The following COG5 variants were observed in gnomAD, a reference collection of about 807,000 sequenced individuals.
The protein encoded by COG5 is conserved oligomeric Golgi complex subunit 5.
A neutral mutation model predicts 110.4 loss-of-function variants in COG5; 86 were observed. That is an observed-to-expected ratio of 0.78 (90% CI 0.65 to 0.93). The LOEUF (loss-of-function observed/expected upper bound fraction) is 0.93. Among genes scored for constraint, COG5 ranks in the 40% least tolerant of loss-of-function variants. The pLI is 0.00. For synonymous variants in COG5, 360 were observed against 334.6 expected, an observed-to-expected ratio of 1.08 and a Z score of -0.83; for missense variants, 1,077 against 987.0, an observed-to-expected ratio of 1.09 and a Z score of -1.22.
chr7:107,294,912 TGTGTGTGTG>T (rs1806501518), intron 12 of COG5, among the ~76,000 whole-genome samples: 2 of 112,576 alleles, frequency 1.8e-5, no homozygotes, highest in Non-Finnish European at 3.8e-5. Context: ...TGTGTGTGTG[TGTGTGTGTG>T]TGTATATATA....
chr7:107,211,418 G>A (rs1166248329), intron 19 of COG5, among the ~76,000 whole-genome samples, 193 bp from the exon 20 acceptor site: 3 of 152,086 alleles, frequency 2.0e-5, no homozygotes, highest in African/African-American at 7.2e-5. Flanking sequence ...GTGCTCACAG[G>A]CTGATCTACC....
chr7:107,463,866 G>A (rs971686736), intron 6 of COG5, among the ~76,000 whole-genome samples: 3 of 152,094 alleles, frequency 2.0e-5, no homozygotes, highest in Non-Finnish European at 2.9e-5. Flanking sequence ...CTTGGGCCTA[G>A]GGGTCTCTAA....
At position 107,328,207 on chromosome 7, in the gene COG5, G is replaced by C. The variant is rs1256717605; in HGVS notation, c.1027-3686C>G. 2.6e-5 allele frequency among the ~76,000 whole-genome samples: 4 copies of C among 152,226 alleles called. No individual in the cohort carries two copies. In the East Asian group the frequency reaches 7.7e-4, roughly 29 times the overall value. ...AAGGGATAGCCTACTACACAAGCAG[G>C]CTTTATGTGATAGCCTATCACTCCT... On this transcript the variant is annotated intron_variant, in intron 10 of 21. Transcript: ENST00000297135.
chr7:107,346,886 T>C (rs1257765038), intron 10 of COG5, among the ~76,000 whole-genome samples: 1 of 152,070 alleles, frequency 6.6e-6, no homozygotes, highest in Non-Finnish European at 1.5e-5. Context: ...TGGTGTGTGA[T>C]GCTCCCCATC....
Position 107,516,428 on chromosome 7 carries a change from G to A in COG5, c.538+10809C>T, listed in dbSNP as rs553647860. ...GTCCACAGTTTGTCTTTTTATTCTC[G>A]TAACAGTATCATTTGAAGAGCTTCT... On this transcript the variant is annotated intron_variant, in intron 6 of 21. Transcript: ENST00000297135. 1.6e-4 allele frequency among the ~76,000 whole-genome samples: 24 copies of A among 152,246 alleles called. No individual in the cohort carries two copies. In the South Asian group the frequency reaches 3.5e-3, roughly 22 times the overall value.
intron 12 of COG5, among the ~76,000 whole-genome samples, chr7:107,295,101 A>ATTTTTTTT (rs1186745330): frequency 2.2e-5 from 1 of 45,536 alleles, no homozygotes; most frequent in Admixed American, 3.6e-4. Flanking sequence ...ATATATATAT[A>ATTTTTTTT]TTTTTTTTTT....
chr7:107,267,778 G>A (rs1337233730), intron 14 of COG5, among the ~76,000 whole-genome samples: 3 of 152,032 alleles, frequency 2.0e-5, no homozygotes, highest in East Asian at 1.9e-4. Context: ...GGTAAGGGCC[G>A]GGCATGGTGG....
chr7:107,522,530 G>A (rs556817228), intron 6 of COG5, among the ~76,000 whole-genome samples: 2 of 152,122 alleles, frequency 1.3e-5, no homozygotes, highest in Admixed American at 1.3e-4. Flanking sequence ...AACCACCATG[G>A]CGCATGTATA....
At chr7:107,501,143 A>C (rs1489239614) in intron 6 of COG5, among the ~76,000 whole-genome samples, 2 of 152,060 alleles carry the variant, frequency 1.3e-5, no homozygotes, top group Non-Finnish European at 2.9e-5. Context: ...AGCTAGCATA[A>C]TTTTAAAGGA....
chr7:107,433,940 A>G (rs2129081640), intron 6 of COG5, among the ~76,000 whole-genome samples: 1 of 152,338 alleles, frequency 6.6e-6, no homozygotes. Context: ...GAATATATAA[A>G]GAAATCCTAC....
chr7:107,362,983 T>G (rs1813255926), intron 8 of COG5, among the ~76,000 whole-genome samples: 1 of 152,076 alleles, frequency 6.6e-6, no homozygotes, highest in South Asian at 2.1e-4. Flanking sequence ...CACAAAAAAA[T>G]TACAAAGAAA....
chr7:107,251,971 T>C (rs906564996), intron 16 of COG5, among the ~76,000 whole-genome samples: 4 of 152,070 alleles, frequency 2.6e-5, no homozygotes, highest in Admixed American at 1.3e-4. Flanking sequence ...CCTAGCTAGA[T>C]TGATCGAGAA....
At chr7:107,453,493 T>C (rs970944723) in intron 6 of COG5, among the ~76,000 whole-genome samples, 2 of 152,164 alleles carry the variant, frequency 1.3e-5, no homozygotes, top group Non-Finnish European at 1.5e-5. Context: ...TCTCAGCAAA[T>C]AAACAAGTTA....
At chr7:107,283,773 C>G (rs1242705060) in intron 12 of COG5, 41 bp from the exon 13 acceptor site, 2 of 1,459,272 alleles carry the variant, frequency 1.4e-6, no homozygotes, top group South Asian at 1.1e-5. Flanking sequence ...TTAAATTGCA[C>G]AGAGCTAAAT....
At chr7:107,311,866 TAATC>T (rs1808303805) in intron 11 of COG5, among the ~76,000 whole-genome samples, 1 of 152,094 alleles carries the variant, frequency 6.6e-6, no homozygotes, top group African/African-American at 2.4e-5. Flanking sequence ...TTTTTTAACA[TAATC>T]AAATCATCAA....
chr7:107,394,548 T>C (rs972855466), intron 7 of COG5, among the ~76,000 whole-genome samples: 1 of 152,218 alleles, frequency 6.6e-6, no homozygotes, highest in African/African-American at 2.4e-5. Context: ...ACTGCTGGCA[T>C]AGCTAATGGA....
intron 10 of COG5, among the ~76,000 whole-genome samples, chr7:107,335,163 C>T (rs547708591): frequency 1.4e-4 from 21 of 152,130 alleles, no homozygotes; most frequent in South Asian, 8.3e-4. Context: ...TCTAAGTTGT[C>T]ATCTCTTTAA....
intron 6 of COG5, among the ~76,000 whole-genome samples, chr7:107,508,656 C>A (rs945301204): frequency 6.6e-6 from 1 of 152,206 alleles, no homozygotes; most frequent in African/African-American, 2.4e-5. Flanking sequence ...ACACCTTACA[C>A]GGCCGGGTAC....
At chr7:107,206,496 A>C (rs1165978523) in intron 21 of COG5, among the ~76,000 whole-genome samples, 2 of 152,202 alleles carry the variant, frequency 1.3e-5, no homozygotes, top group Non-Finnish European at 2.9e-5. Context: ...CATCCTGGGA[A>C]ATTGTCTCCA....
Sources: gnomAD v4.1 joint callset for allele counts (sites outside exome capture counted in the v4.1 genomes callset) on GRCh38, gnomAD v4.1.1 for gene constraint, MANE v1.5 for transcripts, NCBI Gene and HGNC (gene_info 2026-07-23, HGNC 2026-07-21) for gene names.